RALGAPA1: variants seen among roughly 807,000 people sequenced by gnomAD.
RALGAPA1 encodes ral GTPase-activating protein subunit alpha-1.
In RALGAPA1, 52 loss-of-function variants were observed where a neutral mutation model predicts 269.6. The observed-to-expected ratio is 0.19, with a 90% CI of 0.15 to 0.24. The LOEUF (loss-of-function observed/expected upper bound fraction) is 0.24. Ranked by LOEUF, RALGAPA1 falls within the 10% of genes least tolerant of loss-of-function variation. RALGAPA1 has a pLI of 1.00. For missense variants in RALGAPA1, 1,917 were observed against 3,013.9 expected, an observed-to-expected ratio of 0.64 and a Z score of 8.52; for synonymous variants, 817 against 1,008.3, an observed-to-expected ratio of 0.81 and a Z score of 3.60.
intron 41 of RALGAPA1, among the ~76,000 whole-genome samples, chr14:35,542,773 ATCTGTT>A (rs2054125863): frequency 6.6e-6 from 1 of 152,206 alleles, no homozygotes; most frequent in Non-Finnish European, 1.5e-5. Context: ...TGCATACCGT[ATCTGTT>A]ACTAACATTC....
chr14:35,801,883 T>A (rs2077001925), intron 1 of RALGAPA1, among the ~76,000 whole-genome samples: 2 of 152,154 alleles, frequency 1.3e-5, no homozygotes, highest in African/African-American at 2.4e-5. Flanking sequence ...CTAATCTATG[T>A]CACATTGGAG....
chr14:35,596,397 T>A (rs537270832), intron 36 of RALGAPA1, among the ~76,000 whole-genome samples: 1 of 152,040 alleles, frequency 6.6e-6, no homozygotes, highest in South Asian at 2.1e-4. Flanking sequence ...ACCTGTGTGA[T>A]GTACAGAAGC....
intron 21 of RALGAPA1, among the ~76,000 whole-genome samples, chr14:35,679,596 GTA>G (rs977585904): frequency 1.3e-5 from 2 of 152,182 alleles, no homozygotes; most frequent in African/African-American, 4.8e-5. Context: ...CAGAATGGTT[GTA>G]TGAGTATTTG....
At chr14:35,775,139 T>A in intron 2 of RALGAPA1, 84 bp from the exon 3 acceptor site, 2 of 789,606 alleles carry the variant, frequency 2.5e-6, no homozygotes, top group Non-Finnish European at 2.1e-6. Flanking sequence ...ATGAAGGTTT[T>A]TTTTTTCCCA....
At chr14:35,720,906 G>A (rs1342545202) in intron 16 of RALGAPA1, among the ~76,000 whole-genome samples, 3 of 152,266 alleles carry the variant, frequency 2.0e-5, no homozygotes, top group Admixed American at 6.5e-5. Context: ...GCAACAGAGC[G>A]AGATCTCTCT....
rs1358291232 is a variant in RALGAPA1, at chr14:35,549,221, C to T, written c.7510G>A (p.Ala2504Thr). ...PLYQNFYEER[A>T]RYLQTIVQHH... ...TGGACAATTGTTTGCAGGTATCGTGCTCTCTCCTCATAGCTGATTTCCTTT... is the reference window on the plus strand; with the variant it reads ...TGGACAATTGTTTGCAGGTATCGTGTTCTCTCCTCATAGCTGATTTCCTTT... Residue 2504 changes from alanine to threonine, a missense_variant, in exon 40 of 42, where the codon GCA becomes ACA. By Grantham distance (58) the Ala-to-Thr change is moderately conservative. Coordinates refer to ENST00000680220, the MANE Select transcript of RALGAPA1 (RefSeq NM_001346249.2). The T allele has an allele frequency of 2.5e-6, 4 of 1,612,466 alleles. No homozygotes were observed. Among genetic ancestry groups the T allele is most frequent in the African/African-American group, 1.3e-5 (1 of 74,824 alleles).
At chr14:35,555,742 A>G (rs907329210) in intron 39 of RALGAPA1, among the ~76,000 whole-genome samples, 1 of 152,196 alleles carries the variant, frequency 6.6e-6, no homozygotes, top group African/African-American at 2.4e-5. Flanking sequence ...TGGAGAGTAC[A>G]GAGATTTGCT....
At chr14:35,652,169 A>C (rs1039841840) in intron 30 of RALGAPA1, among the ~76,000 whole-genome samples, 1 of 152,178 alleles carries the variant, frequency 6.6e-6, no homozygotes, top group Admixed American at 6.5e-5. Flanking sequence ...ACACACAGAA[A>C]ATATATGTTC....
At chr14:35,652,371 T>C (rs965404276) in intron 30 of RALGAPA1, among the ~76,000 whole-genome samples, 1 of 151,470 alleles carries the variant, frequency 6.6e-6, no homozygotes, top group South Asian at 2.1e-4. Context: ...TGTTTATATA[T>C]ATATATATAT....
chr14:35,561,220 C>T (rs543920109), intron 39 of RALGAPA1, among the ~76,000 whole-genome samples: 217 of 72,518 alleles, frequency 3.0e-3, no homozygotes, highest in Middle Eastern at 0.014. Flanking sequence ...CAGCAAAACT[C>T]TGTCTCAAAA....
intron 10 of RALGAPA1, among the ~76,000 whole-genome samples, chr14:35,746,466 T>C (rs1422276909): frequency 3.3e-5 from 5 of 152,166 alleles, no homozygotes; most frequent in African/African-American, 7.2e-5. Flanking sequence ...ACCAGATTGA[T>C]TGTAGTAATC....
rs191311630 is a variant in RALGAPA1, at chr14:35,572,531, T to C, written c.7368+29A>G. 50 of 1,556,174 alleles carry C rather than the reference T, an allele frequency of 3.2e-5. No homozygotes were observed. The East Asian group carries it at 1.1e-3, about 34-fold the overall frequency. ...GAACCCCTATAGAACCAAAATCTAT[T>C]ACTAAAATGGAAGATAAGGAGTTCT... On this transcript the variant is annotated intron_variant, in intron 38 of 41. Transcript: ENST00000680220.
chr14:35,650,754 G>A (rs2062773019), intron 31 of RALGAPA1, among the ~76,000 whole-genome samples: 1 of 152,174 alleles, frequency 6.6e-6, no homozygotes, highest in Non-Finnish European at 1.5e-5. Context: ...GGGGAGACCT[G>A]GAGAATAGAA....
chr14:35,593,645 G>A (rs1325295110), intron 37 of RALGAPA1, among the ~76,000 whole-genome samples: 1 of 151,976 alleles, frequency 6.6e-6, no homozygotes, highest in African/African-American at 2.4e-5. Context: ...GATTGCTTGA[G>A]CTCAAAAGTT....
At chr14:35,616,107 G>A (rs2060237582) in intron 35 of RALGAPA1, among the ~76,000 whole-genome samples, 1 of 152,114 alleles carries the variant, frequency 6.6e-6, no homozygotes, top group Non-Finnish European at 1.5e-5. Flanking sequence ...TGGACATCAT[G>A]ATTATGAAAA....
chr14:35,618,169 A>C (rs896043474), intron 35 of RALGAPA1, among the ~76,000 whole-genome samples: 1 of 152,192 alleles, frequency 6.6e-6, no homozygotes, highest in Non-Finnish European at 1.5e-5. Flanking sequence ...TTCTAAAAAC[A>C]TAACAGGAAC....
At chr14:35,621,874 G>C (rs2060652142) in intron 35 of RALGAPA1, among the ~76,000 whole-genome samples, 1 of 152,210 alleles carries the variant, frequency 6.6e-6, no homozygotes, top group Admixed American at 6.5e-5. Flanking sequence ...ACAGATGCTG[G>C]AGAGGATGTG....
chr14:35,563,020 C>CAAAAAAAAAAAAAAAAAAAA (rs71445944), intron 39 of RALGAPA1, among the ~76,000 whole-genome samples: 1 of 37,256 alleles, frequency 2.7e-5, no homozygotes, highest in Non-Finnish European at 4.9e-5. Context: ...GAGTCCGTCT[C>CAAAAAAAAAAAAAAAAAAAA]AAAAAAAAAA....
intron 31 of RALGAPA1, among the ~76,000 whole-genome samples, chr14:35,649,495 T>C (rs2062670299): frequency 1.3e-5 from 2 of 152,174 alleles, no homozygotes; most frequent in South Asian, 4.1e-4. Flanking sequence ...TTAGAAACTT[T>C]ATTTTCCCAA....
Sources: allele counts gnomAD v4.1 joint callset (sites outside exome capture counted in the v4.1 genomes callset), GRCh38; gene constraint gnomAD v4.1.1; transcripts MANE v1.5; gene names NCBI Gene and HGNC (gene_info 2026-07-23, HGNC 2026-07-21).